UNC13B: variants seen among roughly 807,000 people sequenced by gnomAD.
UNC13B encodes protein unc-13 homolog B.
UNC13B carries 144 observed loss-of-function variants against 211.0 expected under a neutral mutation model. That is an observed-to-expected ratio of 0.68 (90% CI 0.60 to 0.78). UNC13B has a LOEUF of 0.78. UNC13B is among the 30% of genes least tolerant of loss of function. The pLI, the probability that UNC13B is intolerant of heterozygous loss-of-function variation, is 0.00. For synonymous variants in UNC13B, 709 were observed against 725.8 expected, an observed-to-expected ratio of 0.98 and a Z score of 0.37; for missense variants, 1,777 against 2,002.0, an observed-to-expected ratio of 0.89 and a Z score of 2.14.
At chr9:35,257,307 AAATATAAATATTTATAAAAATATTT>A (rs201603377) in intron 6 of UNC13B, among the ~76,000 whole-genome samples, 1,414 of 132,954 alleles carry the variant, frequency 0.011, 27 homozygotes, top group African/African-American at 0.036. Context: ...TATTTATAAA[AAATATAAATATTTATAAAAATATTT>A]ATATAAATAT....
Position 35,305,105 on chromosome 9 carries a change from C to T in UNC13B, c.5701C>T (p.Leu1901Phe), listed in dbSNP as rs769451154. ...HSGDERENYE[L>F]PQGQSSKESD... ...TGGGGATGAGCGTGAGAATTATGAG[C>T]TTCCCCAGGGCCAGTCATCCAAAGA... The change falls in exon 9 of 40, where the codon CTT becomes TTT. Residue 1901 changes from leucine (L) to phenylalanine (F), a missense_variant. Leu to Phe is a conservative substitution (Grantham distance 22, BLOSUM62 0). Transcript: ENST00000635942. 5.0e-6 allele frequency: 2 copies of T among 398,818 alleles called. No homozygotes were observed. Among genetic ancestry groups the T allele is most frequent in the Non-Finnish European group, 8.8e-6 (2 of 226,014 alleles). The allele number at this position is 398,818 out of a possible 1,614,324, so 24.7% of individuals were successfully genotyped here.
At chr9:35,395,373 G>C (rs1835804792) in intron 26 of UNC13B, among the ~76,000 whole-genome samples, 1 of 152,208 alleles carries the variant, frequency 6.6e-6, no homozygotes, top group Non-Finnish European at 1.5e-5. Context: ...TGAAATTCCT[G>C]GGACTTGAAG....
chr9:35,343,388 G>A (rs893722585), intron 11 of UNC13B, among the ~76,000 whole-genome samples: 3 of 152,176 alleles, frequency 2.0e-5, no homozygotes, highest in African/African-American at 7.2e-5. Flanking sequence ...TCTGTGAGAG[G>A]TTTCTAAGTT....
intron 30 of UNC13B, 127 bp from the exon 31 acceptor site, chr9:35,398,084 G>A (rs1219241829): frequency 3.9e-6 from 3 of 769,914 alleles, no homozygotes; most frequent in Non-Finnish European, 6.1e-6. Flanking sequence ...CCAGCTCTTA[G>A]TGCTGAGGGA....
At chr9:35,182,844 C>T (rs150295591) in intron 1 of UNC13B, among the ~76,000 whole-genome samples, 1,808 of 152,280 alleles carry the variant, frequency 0.012, 39 homozygotes, top group African/African-American at 0.041. Context: ...TAGTACAGAA[C>T]AAAATGGAGT....
At position 35,389,921 on chromosome 9, in the gene UNC13B, A is replaced by G; in HGVS notation, c.11170A>G (p.Ile3724Val). ...LDFWPKLITL[I>V]VSIIEEDKNS... is the part of the protein sequence containing the mutation. ...TTTCTGGCCCAAGCTCATCACACTC[A>G]TCGTGTCAATCATAGAGGAAGATAA... Residue 3724 changes from isoleucine to valine, a missense_variant, in exon 25 of 40, where the codon ATC becomes GTC. Transcript: ENST00000635942. The G allele has an allele frequency of 6.2e-7, 1 of 1,614,052 alleles. No homozygotes were observed. The highest frequency in any genetic ancestry group is 8.5e-7 in the Non-Finnish European group (1 of 1,179,956).
intron 1 of UNC13B, among the ~76,000 whole-genome samples, chr9:35,169,968 T>C (rs1369054334): frequency 6.6e-6 from 1 of 152,170 alleles, no homozygotes; most frequent in African/African-American, 2.4e-5. Context: ...AAATCTGTAT[T>C]GTAGATAAGA....
chr9:35,259,022 G>A lies in UNC13B; in HGVS notation c.498G>A (p.Lys166=). The change falls in exon 7 of 40, where the codon AAG becomes AAA. Residue 166 remains lysine, a synonymous_variant. Transcript: ENST00000635942. ...EYSSQEESQR[K]PLPTAAAQCS... is the part of the protein sequence containing the mutation. ...CTAGTCAAGAAGAAAGCCAGAGGAA[G>A]CCATTGCCCACTGCTGCCGCCCAGT... 2 of 1,613,886 alleles carry A rather than the reference G, an allele frequency of 1.2e-6. No individual in the cohort carries two copies. Among genetic ancestry groups the A allele is most frequent in the South Asian group, 1.1e-5 (1 of 91,068 alleles).
chr9:35,375,007 T>G, intron 13 of UNC13B, 120 bp from the exon 14 acceptor site: 23 of 1,026,342 alleles, frequency 2.2e-5, no homozygotes, highest in Non-Finnish European at 1.5e-6. Context: ...TGAGTGACAA[T>G]AAAAATAGAA....
At chr9:35,285,279 A>G (rs910852023) in intron 7 of UNC13B, among the ~76,000 whole-genome samples, 1 of 152,146 alleles carries the variant, frequency 6.6e-6, no homozygotes, top group African/African-American at 2.4e-5. Context: ...CATATAGGAA[A>G]TTCTATAGCT....
chr9:35,378,173 A>G (rs773955755), intron 16 of UNC13B, 122 bp from the exon 17 acceptor site: 264 of 1,337,924 alleles, frequency 2.0e-4, no homozygotes, highest in Non-Finnish European at 2.5e-4. Flanking sequence ...ATAAATATGG[A>G]GGAATGGGAT....
chr9:35,216,943 A>G (rs10972384), intron 1 of UNC13B, among the ~76,000 whole-genome samples: 3,963 of 152,298 alleles, frequency 0.026, 174 homozygotes, highest in African/African-American at 0.088. Flanking sequence ...TTCTCTGGGT[A>G]TAACATTCTG....
At chr9:35,377,780 C>A in intron 16 of UNC13B, 85 bp downstream of exon 16, 1 of 1,362,144 alleles carries the variant, frequency 7.3e-7, no homozygotes, top group Non-Finnish European at 1.0e-6. Flanking sequence ...CGTGAGGGAG[C>A]AAGGGATTAG....
intron 6 of UNC13B, among the ~76,000 whole-genome samples, chr9:35,246,547 C>A (rs184038743): frequency 0.14 from 21,963 of 152,054 alleles, 1,848 homozygotes; most frequent in Admixed American, 0.25. Flanking sequence ...AGGAAGGGAT[C>A]CAGTTTCAGC....
At chr9:35,368,571 A>G (rs1833919178) in intron 12 of UNC13B, among the ~76,000 whole-genome samples, 1 of 152,136 alleles carries the variant, frequency 6.6e-6, no homozygotes, top group African/African-American at 2.4e-5. Flanking sequence ...TTGGGTATAT[A>G]CCCAATAATG....
At chr9:35,341,900 T>C in intron 11 of UNC13B, 1 of 985,174 alleles carries the variant, frequency 1.0e-6, no homozygotes, top group Non-Finnish European at 1.2e-6. Context: ...TGCCTCAGTC[T>C]CAAAGCCCAG....
At chr9:35,218,761 C>T (rs4878608) in intron 1 of UNC13B, among the ~76,000 whole-genome samples, 142,720 of 149,900 alleles carry the variant, frequency 0.95, 68,297 homozygotes, top group South Asian at 1. Flanking sequence ...TCTCTTTTTT[C>T]TTTTTGAGAT....
chr9:35,337,684 A>C (rs1010721262), intron 11 of UNC13B, among the ~76,000 whole-genome samples: 1 of 152,190 alleles, frequency 6.6e-6, no homozygotes. Context: ...GTAGGGAAAA[A>C]CCCACCTCTT....
At chr9:35,173,840 G>A (rs921503062) in intron 1 of UNC13B, among the ~76,000 whole-genome samples, 7 of 152,148 alleles carry the variant, frequency 4.6e-5, no homozygotes, top group Non-Finnish European at 1.0e-4. Flanking sequence ...GACATGGCTT[G>A]GTGAATATAT....
Sources: allele counts gnomAD v4.1 joint callset (sites outside exome capture counted in the v4.1 genomes callset), GRCh38; gene constraint gnomAD v4.1.1; transcripts MANE v1.5; gene names NCBI Gene and HGNC (gene_info 2026-07-23, HGNC 2026-07-21).